Variants in MMP9 observed in about 807,000 individuals in gnomAD.
MMP9 encodes matrix metallopeptidase 9.
MMP9 carries 73 observed loss-of-function variants against 76.4 expected under a neutral mutation model. That is an observed-to-expected ratio of 0.96 (90% CI 0.79 to 1.16). The LOEUF (loss-of-function observed/expected upper bound fraction) is 1.16. Ranked by LOEUF, MMP9 falls within the 50% of genes most tolerant of loss-of-function variation. MMP9 has a pLI of 0.00. For missense variants in MMP9, 943 were observed against 973.0 expected, an observed-to-expected ratio of 0.97 and a Z score of 0.41; for synonymous variants, 412 against 408.4, an observed-to-expected ratio of 1.01 and a Z score of -0.11.
At position 46,010,334 on chromosome 20, in the gene MMP9, A is replaced by C. The variant is rs540316522; in HGVS notation, c.372-149A>C. On this transcript the variant is annotated intron_variant, in intron 2 of 12. Coordinates refer to ENST00000372330, the MANE Select transcript of MMP9 (RefSeq NM_004994.3). ...GGTCTAAGTAGACAAAAAAAAAAAA[A>C]AAAAAAACAGTCTGGAAGCAATTTA... The C allele has an allele frequency of 7.3e-5, 38 of 518,218 alleles. 5 individuals are homozygous for C. Among genetic ancestry groups the C allele is most frequent in the South Asian group, 4.4e-4 (18 of 41,022 alleles). The allele number at this position is 518,218 out of a possible 1,614,324, so 32.1% of individuals were successfully genotyped here. A position where few individuals can be genotyped will look rare whatever the true frequency, so the allele number is the denominator to read the frequency against.
chr20:46,014,320 G>C, intron 11 of MMP9, 46 bp downstream of exon 11: 2 of 1,539,036 alleles, frequency 1.3e-6, no homozygotes, highest in Admixed American at 2.0e-5. Context: ...GGGCGCCGTC[G>C]GTCCGTCCGC....
Position 46,012,542 on chromosome 20 carries a change from C to T in MMP9, c.1290C>T (p.Pro430=). 6.2e-7 allele frequency: 1 copy of T among 1,614,026 alleles called. No individual in the cohort carries two copies. Among genetic ancestry groups the T allele is most frequent in the Admixed American group, 1.7e-5 (1 of 60,024 alleles). ...YPMYRFTEGP[P]LHKDDVNGIR... ...TGTACCGCTTCACTGAGGGGCCCCCCTTGCATAAGGACGACGTGAATGGCA... is the reference window on the plus strand; with the variant it reads ...TGTACCGCTTCACTGAGGGGCCCCCTTTGCATAAGGACGACGTGAATGGCA... The change falls in exon 8 of 13, where the codon CCC becomes CCT. Residue 430 remains proline, a synonymous_variant. Transcript: ENST00000372330.
In MMP9 at chr20:46,013,337, A is replaced by T. The variant is rs199654705; in HGVS notation, c.1413A>T (p.Gly471=). 6.2e-7 allele frequency: 1 copy of T among 1,603,262 alleles called. No individual in the cohort carries two copies. The highest frequency in any genetic ancestry group is 1.1e-5 in the South Asian group (1 of 90,704). Residue 471 remains glycine, a synonymous_variant, in exon 9 of 13, where the codon GGA becomes GGT. Coordinates refer to ENST00000372330, the MANE Select transcript of MMP9 (RefSeq NM_004994.3). The surrounding 1 kb of genome is among the most constrained non-coding windows in gnomAD (Gnocchi z 4.5). ...CTCCCCCGACGGTCTGCCCCACCGG[A>T]CCCCCCACTGTCCACCCCTCAGAGC... ...PTAPPTVCPT[G]PPTVHPSERP...
Position 46,013,719 on chromosome 20 carries a change from A to G in MMP9, c.1673A>G (p.Asp558Gly), listed in dbSNP as rs150224695. ...CCGCAGGGCCCCTTCCTTATCGCCG[A>G]CAAGTGGCCCGCGCTGCCCCGCAAG... Reference protein sequence around the residue: ...SRPQGPFLIADKWPALPRKLD... With the variant: ...SRPQGPFLIAGKWPALPRKLD... Residue 558 changes from aspartate (D) to glycine (G), a missense_variant, in exon 10 of 13, where the codon GAC becomes GGC. By Grantham distance (94) the Asp-to-Gly change is moderately conservative (BLOSUM62 -1). Coordinates refer to ENST00000372330, the MANE Select transcript of MMP9 (RefSeq NM_004994.3). This position sits in a 1 kb window ranked among gnomAD's most constrained non-coding sequence, Gnocchi z 4.5. 7.0e-5 allele frequency: 113 copies of G among 1,613,550 alleles called. No individual in the cohort carries two copies. The South Asian group carries it at 9.1e-4, about 13-fold the overall frequency.
chr20:46,010,241 G>A (rs1287804893), intron 2 of MMP9, 143 bp downstream of exon 2: 13 of 841,518 alleles, frequency 1.5e-5, no homozygotes, highest in Non-Finnish European at 2.1e-5. Flanking sequence ...CCCCACCTCT[G>A]AGCCTCTGTT....
Position 46,014,236 on chromosome 20 carries a change from G to T in MMP9, c.1863G>T (p.Arg621Ser). The T allele has an allele frequency of 6.5e-7, 1 of 1,534,814 alleles. No individual in the cohort carries two copies. Among genetic ancestry groups the T allele is most frequent in the Non-Finnish European group, 8.8e-7 (1 of 1,142,492 alleles). ...AQVTGALRSG[R>S]GKMLLFSGRR... ...TGACCGGGGCCCTCCGGAGTGGCAG[G>T]GGGAAGATGCTGCTGTTCAGCGGGC... The change falls in exon 11 of 13, where the codon AGG becomes AGT. Residue 621 changes from arginine to serine, a missense_variant. Coordinates refer to ENST00000372330, the MANE Select transcript of MMP9 (RefSeq NM_004994.3).
Position 46,013,565 on chromosome 20 carries a change from G to A in MMP9, c.1610+31G>A, listed in dbSNP as rs3918258. 2.8e-4 allele frequency: 452 copies of A among 1,612,160 alleles called. 3 individuals carry two copies. In the African/African-American group the frequency reaches 5.4e-3, roughly 19 times the overall value. On this transcript the variant is annotated intron_variant, in intron 9 of 12. Coordinates refer to ENST00000372330, the MANE Select transcript of MMP9 (RefSeq NM_004994.3). The surrounding 1 kb of genome is among the most constrained non-coding windows in gnomAD (Gnocchi z 4.5). The stretch of plus-strand genomic sequence containing the variant: ...GAGGCGGGGTTGTGTGGATGCGGGA[G>A]GGGGCTTTGCGGAGGGGCTGCCCGT...
Position 46,016,465 on chromosome 20 carries a change from T to C in MMP9, c.*97T>C, listed in dbSNP as rs1238494179. On this transcript the variant is annotated 3_prime_UTR_variant, in exon 13 of 13. Coordinates refer to ENST00000372330, the MANE Select transcript of MMP9 (RefSeq NM_004994.3). Reference sequence around the variant, plus strand: ...CCGGATACAAACTGGTATTCTGTTCTGGAGGAAAGGGAGGAGTGGAGGTGG... The same window carrying C: ...CCGGATACAAACTGGTATTCTGTTCCGGAGGAAAGGGAGGAGTGGAGGTGG... 3.0e-6 allele frequency: 3 copies of C among 1,001,928 alleles called. No individual in the cohort carries two copies. The African/African-American group carries it at 4.8e-5, about 16-fold the overall frequency. 62.1% of individuals were successfully genotyped at this position (1,001,928 alleles called of 1,614,324 possible). A position where few individuals can be genotyped will look rare whatever the true frequency, so the allele number is the denominator to read the frequency against.
Position 46,013,861 on chromosome 20 carries a change from C to G in MMP9, c.1750+65C>G. On this transcript the variant is annotated intron_variant, in intron 10 of 12. Coordinates refer to ENST00000372330, the MANE Select transcript of MMP9 (RefSeq NM_004994.3). The surrounding 1 kb of genome is among the most constrained non-coding windows in gnomAD (Gnocchi z 4.5). ...CATCAGTCAAGGAGGCTCAAGAGACCATCGATAACCCACGAAACGTCTTGT... is the reference window on the plus strand; with the variant it reads ...CATCAGTCAAGGAGGCTCAAGAGACGATCGATAACCCACGAAACGTCTTGT... 2 of 1,599,864 alleles carry G rather than the reference C, an allele frequency of 1.3e-6. No homozygotes were observed. Among genetic ancestry groups the G allele is most frequent in the Non-Finnish European group, 8.5e-7 (1 of 1,172,064 alleles).
chr20:46,012,357 G>A (rs1481520392), intron 7 of MMP9, 44 bp downstream of exon 7: 1 of 1,579,580 alleles, frequency 6.3e-7, no homozygotes, highest in African/African-American at 1.3e-5. Context: ...TCCCGGCAGT[G>A]GTGGTGGTGG....
At position 46,010,903 on chromosome 20, in the gene MMP9, T is replaced by C. The variant is rs1358683376; in HGVS notation, c.521-19T>C. On this transcript the variant is annotated intron_variant, in intron 3 of 12. Coordinates refer to ENST00000372330, the MANE Select transcript of MMP9 (RefSeq NM_004994.3). ...AGCAGTACTCGGCTAACCCTCTTCCTCTCGACCTGTTTCTTCAGAGCACGG... is the reference window on the plus strand; with the variant it reads ...AGCAGTACTCGGCTAACCCTCTTCCCCTCGACCTGTTTCTTCAGAGCACGG... 1.2e-6 allele frequency: 2 copies of C among 1,614,120 alleles called. No homozygotes were observed. The highest frequency in any genetic ancestry group is 1.7e-6 in the Non-Finnish European group (2 of 1,180,058).
Position 46,014,241 on chromosome 20 carries a change from AGATGCTGCTGTTCAGCGGG to A in MMP9, c.1869_1887del (p.Lys623AsnfsTer9). 1 of 1,509,628 alleles carries A rather than the reference AGATGCTGCTGTTCAGCGGG, an allele frequency of 6.6e-7. No homozygotes were observed. The highest frequency in any genetic ancestry group is 8.9e-7 in the Non-Finnish European group (1 of 1,127,700). The allele number at this position is 1,509,628 out of a possible 1,614,324, so 93.5% of individuals were successfully genotyped here. A position where few individuals can be genotyped will look rare whatever the true frequency, so the allele number is the denominator to read the frequency against. On this transcript the variant is annotated frameshift_variant, in exon 11 of 13. Coordinates refer to ENST00000372330, the MANE Select transcript of MMP9 (RefSeq NM_004994.3). LOFTEE classifies it high-confidence loss of function. Reference sequence around the variant, plus strand: ...GGGGCCCTCCGGAGTGGCAGGGGGAAGATGCTGCTGTTCAGCGGGCGGCGCCTCTGGAGGTGAGCGCCGC... The same window carrying A: ...GGGGCCCTCCGGAGTGGCAGGGGGAACGGCGCCTCTGGAGGTGAGCGCCGC...
intron 2 of MMP9, 72 bp downstream of exon 2, chr20:46,010,170 A>T: frequency 1.5e-6 from 2 of 1,379,280 alleles, no homozygotes; most frequent in Non-Finnish European, 2.0e-6. Context: ...AGCGGTGAAC[A>T]TGTCCTGTCT....
Position 46,011,047 on chromosome 20 carries a change from G to C in MMP9, c.646G>C (p.Val216Leu), listed in dbSNP as rs1246618527. ...DDELWSLGKG[V>L]VVPTRFGNAD... ...CGAGTTGTGGTCCCTGGGCAAGGGC[G>C]TCGGTGAGATTCTGAGTCCTCCTGG... Residue 216 changes from valine to leucine, a missense_variant, in exon 4 of 13, where the codon GTC (valine) becomes CTC (leucine). Coordinates refer to ENST00000372330, the MANE Select transcript of MMP9 (RefSeq NM_004994.3). 2 of 1,610,006 alleles carry C rather than the reference G, an allele frequency of 1.2e-6. No homozygotes were observed. The highest frequency in any genetic ancestry group is 1.7e-4 in the Middle Eastern group (1 of 6,050).
Position 46,014,319 on chromosome 20 carries a change from C to T in MMP9, c.1901+45C>T, listed in dbSNP as rs758002021. ...CCGGCAGGGGGAGCCCGGGCGCCGT[C>T]GGTCCGTCCGCTAGCCGGCTCAGCA... is the stretch of plus-strand genomic sequence containing the variant. On this transcript the variant is annotated intron_variant, in intron 11 of 12. Transcript: ENST00000372330. 31 of 1,538,650 alleles carry T rather than the reference C, an allele frequency of 2.0e-5. No individual in the cohort carries two copies. In the South Asian group the frequency reaches 2.4e-4, roughly 12 times the overall value.
rs1196397720 is a variant in MMP9, at chr20:46,009,083, T to C, written c.138+19T>C. On this transcript the variant is annotated intron_variant, in intron 1 of 12. Transcript: ENST00000372330. ...GGCAGAGGTGGGCAAACACCTAGTC[T>C]AGAGTTGGGGAGGGCTGTCCGTGAG... The C allele has an allele frequency of 3.1e-6, 5 of 1,611,984 alleles. No homozygotes were observed. The African/African-American group carries it at 5.4e-5, about 17-fold the overall frequency.
At chr20:46,012,398 C>T (rs773206891) in intron 7 of MMP9, 29 bp from the exon 8 acceptor site, 1 of 1,613,858 alleles carries the variant, frequency 6.2e-7, no homozygotes, top group Non-Finnish European at 8.5e-7. Flanking sequence ...CGGCCCGGCG[C>T]TCACGTCTCA....
intron 11 of MMP9, 48 bp from the exon 12 acceptor site, chr20:46,014,323 C>G (rs1242438281): frequency 6.5e-7 from 1 of 1,539,936 alleles, no homozygotes; most frequent in South Asian, 1.2e-5. Context: ...CGCCGTCGGT[C>G]CGTCCGCTAG....
chr20:46,010,679 G>A, intron 3 of MMP9, 48 bp downstream of exon 3: 1 of 1,586,946 alleles, frequency 6.3e-7, no homozygotes, highest in South Asian at 1.1e-5. Flanking sequence ...CGGGGTCAGG[G>A]AAGGGAGGAC....
Sources: gnomAD v4.1 joint callset for allele counts on GRCh38, gnomAD v4.1.1 for gene constraint, Gnocchi (gnomAD v3.1) non-coding constraint, MANE v1.5 for transcripts, NCBI Gene and HGNC (gene_info 2026-07-23, HGNC 2026-07-21) for gene names.